The following DNAJC5G variants were observed in gnomAD, a reference collection of about 807,000 sequenced individuals.
The protein encoded by DNAJC5G is DnaJ heat shock protein family (Hsp40) member C5 gamma.
DNAJC5G carries 13 observed loss-of-function variants against 19.1 expected under a neutral mutation model. The observed-to-expected ratio is 0.68, with a 90% CI of 0.44 to 1.08. DNAJC5G has a LOEUF of 1.08. Ranked by LOEUF, DNAJC5G falls within the 50% of genes least tolerant of loss-of-function variation. The probability of loss-of-function intolerance (pLI) is 0.00; values close to 1 mark genes in which losing one functional copy is unlikely to be tolerated. For synonymous variants in DNAJC5G, 81 were observed against 84.4 expected, an observed-to-expected ratio of 0.96 and a Z score of 0.22; for missense variants, 245 against 230.4, an observed-to-expected ratio of 1.06 and a Z score of -0.41.
chr2:27,276,904 T>A, intron 3 of DNAJC5G, 63 bp downstream of exon 3: 4 of 1,221,306 alleles, frequency 3.3e-6, no homozygotes, highest in Non-Finnish European at 4.6e-6. Context: ...TCTTTCTGTA[T>A]CTCTTTTGCT....
At chr2:27,277,703 G>T (rs755257029) in intron 3 of DNAJC5G, 51 bp from the exon 4 acceptor site, 29 of 1,604,832 alleles carry the variant, frequency 1.8e-5, no homozygotes, top group Non-Finnish European at 1.7e-6. Flanking sequence ...CATTCCTTCT[G>T]CACTCTCTAG....
chr2:27,278,056 G>A (rs1678191007), intron 4 of DNAJC5G, 41 bp downstream of exon 4: 2 of 1,608,982 alleles, frequency 1.2e-6, no homozygotes, highest in African/African-American at 2.7e-5. Flanking sequence ...AGGAAAGAAG[G>A]GTGACCTTCC....
intron 5 of DNAJC5G, among the ~76,000 whole-genome samples, chr2:27,278,683 C>CAAAAAAAAAAAAAA (rs1180058010): frequency 3.1e-3 from 83 of 26,640 alleles, no homozygotes; most frequent in Non-Finnish European, 4.5e-3. Context: ...GACTCCATCT[C>CAAAAAAAAAAAAAA]AAAAAAAAAA....
At chr2:27,276,604 C>T (rs1678088907) in intron 2 of DNAJC5G, 122 bp from the exon 3 acceptor site, 1 of 738,314 alleles carries the variant, frequency 1.4e-6, no homozygotes, top group South Asian at 1.9e-5. Flanking sequence ...TTATCCTTGT[C>T]CTTCTGTCAT....
In DNAJC5G at chr2:27,276,399, T is replaced by G. The variant is rs897242201; in HGVS notation, c.-4+12T>G. On this transcript the variant is annotated intron_variant, in intron 2 of 6. Coordinates refer to ENST00000296097, the MANE Select transcript of DNAJC5G (RefSeq NM_173650.3). ...GGTGTTTACTCCAGGTAATAGGAGCTCTAGACAAAATCAGGCTCTTTTCCT... is the reference window on the plus strand; with the variant it reads ...GGTGTTTACTCCAGGTAATAGGAGCGCTAGACAAAATCAGGCTCTTTTCCT... 3 of 213,112 alleles carry G rather than the reference T, an allele frequency of 1.4e-5. No homozygotes were observed. Among genetic ancestry groups the G allele is most frequent in the Admixed American group, 1.1e-4 (2 of 18,452 alleles). The allele number at this position is 213,112 out of a possible 1,614,324, so 13.2% of individuals were successfully genotyped here. A position where few individuals can be genotyped will look rare whatever the true frequency, so the allele number is the denominator to read the frequency against.
In DNAJC5G at chr2:27,281,371, C is replaced by T. The variant is rs1024826361; in HGVS notation, c.*961C>T. 50 of 152,334 alleles carry T rather than the reference C, an allele frequency of 3.3e-4. 1 individual carries two copies. 9.4% of individuals were successfully genotyped at this position (152,334 alleles called of 1,614,324 possible). On this transcript the variant is annotated 3_prime_UTR_variant, in exon 7 of 7. Transcript: ENST00000296097. ...CACAGCCTACTAATTCCTCAAACTT[C>T]TCTCCCTGGACTAGGAGAAAGGCTA...
chr2:27,277,791 C>T lies in DNAJC5G; in HGVS notation c.151C>T (p.His51Tyr). 1.2e-6 allele frequency: 2 copies of T among 1,614,112 alleles called. No homozygotes were observed. The highest frequency in any genetic ancestry group is 1.7e-6 in the Non-Finnish European group (2 of 1,180,000). The change falls in exon 4 of 7, where the codon CAC becomes TAC. Residue 51 changes from histidine (H) to tyrosine (Y), a missense_variant. Transcript: ENST00000296097. Reference protein sequence around the residue: ...ALLPHPPFEYHLGRKLALRYH... With the variant: ...ALLPHPPFEYYLGRKLALRYH... The stretch of plus-strand genomic sequence containing the variant: ...GCTTCCCCACCCTCCTTTTGAGTAT[C>T]ACCTGGGTAGGAAACTGGCCTTGCG...
intron 5 of DNAJC5G, among the ~76,000 whole-genome samples, chr2:27,279,765 A>G (rs1253513718): frequency 6.6e-6 from 1 of 151,052 alleles, no homozygotes; most frequent in Non-Finnish European, 1.5e-5. Flanking sequence ...AAAAAAAAAA[A>G]TACAGAAGTC....
intron 5 of DNAJC5G, among the ~76,000 whole-genome samples, chr2:27,279,502 G>A (rs186404779): frequency 1.6e-3 from 248 of 152,160 alleles, no homozygotes; most frequent in South Asian, 5.2e-3. Flanking sequence ...TCGCCATGTT[G>A]GCCAGTCTGG....
At position 27,278,015 on chromosome 2, in the gene DNAJC5G, G is replaced by C. The variant is rs144758776; in HGVS notation, c.375G>C (p.Lys125Asn). The part of the protein sequence containing the change: ...YYFILNSCWF[K>N]TLVILCTLLT... The stretch of plus-strand genomic sequence containing the variant: ...TTATTCTGAATAGTTGTTGGTTCAA[G>C]GTACACAATTCTCCAGGTCCTTTAA... Residue 125 changes from lysine to asparagine, a missense_variant and splice_region_variant, in exon 4 of 7, where the codon AAG becomes AAC. Transcript: ENST00000296097. 1.2e-6 allele frequency: 2 copies of C among 1,613,640 alleles called. No homozygotes were observed. Among genetic ancestry groups the C allele is most frequent in the Non-Finnish European group, 1.7e-6 (2 of 1,179,708 alleles).
intron 6 of DNAJC5G, 88 bp from the exon 7 acceptor site, chr2:27,280,341 G>C: frequency 1.1e-6 from 1 of 912,150 alleles, no homozygotes; most frequent in Non-Finnish European, 1.8e-6. Flanking sequence ...TGGACTATGT[G>C]TTTATATCCT....
chr2:27,276,480 T>C, intron 2 of DNAJC5G, 93 bp downstream of exon 2: 1 of 442,192 alleles, frequency 2.3e-6, no homozygotes, highest in Non-Finnish European at 4.1e-6. Flanking sequence ...TCTAGAGGTC[T>C]GTGTAGCTGG....
chr2:27,280,531 T>C lies in DNAJC5G; in HGVS notation c.*121T>C. The C allele has an allele frequency of 1.8e-5, 5 of 275,686 alleles. No homozygotes were observed. The South Asian group carries it at 2.8e-4, about 15-fold the overall frequency. 17.1% of individuals were successfully genotyped at this position (275,686 alleles called of 1,614,324 possible). On this transcript the variant is annotated 3_prime_UTR_variant, in exon 7 of 7. Transcript: ENST00000296097. The stretch of plus-strand genomic sequence containing the variant: ...GACATTGACCCTGATTTGACCCCTC[T>C]TCTTATAAGGATCTCAAGAATCTCT...
chr2:27,278,640 C>T (rs1438210235), intron 5 of DNAJC5G, among the ~76,000 whole-genome samples: 6 of 140,388 alleles, frequency 4.3e-5, no homozygotes, highest in African/African-American at 1.1e-4. Flanking sequence ...GCTGAGATCG[C>T]GCCACTGCAC....
Position 27,276,580 on chromosome 2 carries a change from C to G in DNAJC5G, c.-3-146C>G, listed in dbSNP as rs1348505659. On this transcript the variant is annotated intron_variant, in intron 2 of 6. Transcript: ENST00000296097. ...GAATTCTCCTGCTAGCCACAAATCC[C>G]ACTCACTCTTATCTTATCCTTGTCC... 6.5e-6 allele frequency: 4 copies of G among 615,080 alleles called. No individual in the cohort carries two copies. The Admixed American group carries it at 1.3e-4, about 19-fold the overall frequency. 38.1% of individuals were successfully genotyped at this position (615,080 alleles called of 1,614,324 possible). A position where few individuals can be genotyped will look rare whatever the true frequency, so the allele number is the denominator to read the frequency against.
intron 5 of DNAJC5G, 149 bp from the exon 6 acceptor site, chr2:27,280,016 CA>C: frequency 3.0e-6 from 2 of 662,926 alleles, no homozygotes; most frequent in Non-Finnish European, 5.3e-6. Context: ...CATTCCCCCC[CA>C]AATGAACTTT....
In DNAJC5G at chr2:27,280,245, G is replaced by A. The variant is rs199543095; in HGVS notation, c.*18+12G>A. 13 of 1,607,678 alleles carry A rather than the reference G, an allele frequency of 8.1e-6. No individual in the cohort carries two copies. Among genetic ancestry groups the A allele is most frequent in the African/African-American group, 2.7e-5 (2 of 74,890 alleles). ...TGAAGAAGGATGAGGTATGTAAACC[G>A]AAAGGCAGCAACAGTTATCAGATAA... On this transcript the variant is annotated intron_variant, in intron 6 of 6. Coordinates refer to ENST00000296097, the MANE Select transcript of DNAJC5G (RefSeq NM_173650.3).
At position 27,276,351 on chromosome 2, in the gene DNAJC5G, C is replaced by G. The variant is rs1309602196; in HGVS notation, c.-40C>G. On this transcript the variant is annotated 5_prime_UTR_variant, in exon 2 of 7. Coordinates refer to ENST00000296097, the MANE Select transcript of DNAJC5G (RefSeq NM_173650.3). The stretch of plus-strand genomic sequence containing the variant: ...GGCCGCCCTGGTCTTTCAAACCCAG[C>G]AGTGAGCTTGGACAGACCCAGAGGT... 1 of 160,706 alleles carries G rather than the reference C, an allele frequency of 6.2e-6. No homozygotes were observed. 10.0% of individuals were successfully genotyped at this position (160,706 alleles called of 1,614,324 possible).
chr2:27,278,291 G>GA lies in DNAJC5G; in HGVS notation c.483dup (p.Tyr162IlefsTer17), dbSNP rs34854695. ...CCACCACCTGAGCAGGATAGTGGGAGAAAATATCAGCAGAATGTCCAGAGT... is the reference window on the plus strand; with the variant it reads ...CCACCACCTGAGCAGGATAGTGGGAGAAAAATATCAGCAGAATGTCCAGAGT... On this transcript the variant is annotated frameshift_variant, in exon 5 of 7. Coordinates refer to ENST00000296097, the MANE Select transcript of DNAJC5G (RefSeq NM_173650.3). LOFTEE classifies it high-confidence loss of function. 3 of 1,614,072 alleles carry GA rather than the reference G, an allele frequency of 1.9e-6. No homozygotes were observed. The African/African-American group carries it at 4.0e-5, about 22-fold the overall frequency.
Sources: allele counts gnomAD v4.1 joint callset (sites outside exome capture counted in the v4.1 genomes callset), GRCh38; gene constraint gnomAD v4.1.1; transcripts MANE v1.5; gene names NCBI Gene and HGNC (gene_info 2026-07-23, HGNC 2026-07-21).